MED16: variants seen among roughly 807,000 people sequenced by gnomAD.
MED16 encodes mediator complex subunit 16, also known as mediator of RNA polymerase II transcription subunit 16.
In MED16, 81 loss-of-function variants were observed where a neutral mutation model predicts 84.4. The ratio of observed to expected loss-of-function variants is 0.96; its 90% CI spans 0.80 to 1.15. The LOEUF (loss-of-function observed/expected upper bound fraction) is 1.15. Ranked by LOEUF, MED16 falls within the 50% of genes most tolerant of loss-of-function variation. The pLI is 0.00. For synonymous variants in MED16, 897 were observed against 552.2 expected (o/e 1.62, Z -8.76); for missense variants, 1,585 against 1,245.9 (o/e 1.27, Z -4.10).
At chr19:877,275 G>T (rs1319558359) in intron 8 of MED16, 95 bp from the exon 9 acceptor site, 11 of 1,222,558 alleles carry the variant, frequency 9.0e-6, no homozygotes, top group Non-Finnish European at 1.3e-5. Context: ...CACGTGTGTG[G>T]ATCTGTGTGC....
At position 868,059 on chromosome 19, in the gene MED16, C is replaced by T; in HGVS notation, c.*42G>A. On this transcript the variant is annotated 3_prime_UTR_variant, in exon 16 of 16. Transcript: ENST00000325464. ...GTGAGGCAAGGAAACCGAGGAGACG[C>T]CCGAGCCGGGTCACCACAAGGTCCG... The T allele has an allele frequency of 6.4e-7, 1 of 1,563,004 alleles. No homozygotes were observed. The highest frequency in any genetic ancestry group is 1.4e-5 in the African/African-American group (1 of 72,630).
chr19:891,038 A>G lies in MED16; in HGVS notation c.94T>C (p.Ser32Pro). 2 of 1,614,116 alleles carry G rather than the reference A, an allele frequency of 1.2e-6. No homozygotes were observed. Among genetic ancestry groups the G allele is most frequent in the South Asian group, 2.2e-5 (2 of 91,088 alleles). The part of the protein sequence containing the change: ...EKWSKSTHCP[S>P]VPLACAWSCR... ...GACCAGGCGCAGGCCAGGGGCACCGATGGGCAGTGGGTGCTCTTGGACCAT... is the reference window on the plus strand; with the variant it reads ...GACCAGGCGCAGGCCAGGGGCACCGGTGGGCAGTGGGTGCTCTTGGACCAT... Residue 32 changes from serine (S) to proline (P), a missense_variant, in exon 2 of 16, where the codon TCG (serine) becomes CCG (proline). Physicochemically the swap from Ser to Pro is moderately conservative, Grantham distance 74. Coordinates refer to ENST00000325464, the MANE Select transcript of MED16 (RefSeq NM_005481.3).
In MED16 at chr19:877,036, C is replaced by G; in HGVS notation, c.1498G>C (p.Val500Leu). 1 of 1,612,594 alleles carries G rather than the reference C, an allele frequency of 6.2e-7. No individual in the cohort carries two copies. The highest frequency in any genetic ancestry group is 8.5e-7 in the Non-Finnish European group (1 of 1,179,888). ...TGCAGCTTCTCCACCAGGCTCTGTA[C>G]CATACTGGGCTGCACGTGCAGCAGG... Reference protein sequence around the residue: ...DILLHVQPSMVQSLVEKLHEE... With the variant: ...DILLHVQPSMLQSLVEKLHEE... Residue 500 changes from valine to leucine, a missense_variant, in exon 9 of 16, where the codon GTA (valine) becomes CTA (leucine). Physicochemically the swap from Val to Leu is conservative, Grantham distance 32 (BLOSUM62 1). Transcript: ENST00000325464.
At chr19:886,787 G>A (rs1186706498) in intron 4 of MED16, among the ~76,000 whole-genome samples, 1 of 152,156 alleles carries the variant, frequency 6.6e-6, no homozygotes, top group East Asian at 1.9e-4. Context: ...TTAAAAGATG[G>A]GGTCTTGGCT....
At chr19:873,726 C>T (rs182877534) in intron 10 of MED16, 144 bp from the exon 11 acceptor site, 194 of 994,038 alleles carry the variant, frequency 2.0e-4, no homozygotes, top group Middle Eastern at 3.1e-4. Flanking sequence ...GAGAAGGGGG[C>T]GATGGCGTTG....
At chr19:871,618 G>A (rs553157746) in intron 12 of MED16, 91 of 1,595,720 alleles carry the variant, frequency 5.7e-5, no homozygotes, top group Admixed American at 4.4e-4. Context: ...GGAAGTGGCT[G>A]CCATCCCAAA....
At chr19:874,131 TGAGACAGAGTCTCACTCTGTC>T (rs943091896) in intron 10 of MED16, among the ~76,000 whole-genome samples, 1 of 133,308 alleles carries the variant, frequency 7.5e-6, no homozygotes, top group African/African-American at 2.7e-5. Flanking sequence ...ATTTTTTTTT[TGAGACAGAGTCTCACTCTGTC>T]GCCCAGGCTG....
At position 871,110 on chromosome 19, in the gene MED16, GGGGCTGCTT is replaced by G. The variant is rs1568318310; in HGVS notation, c.2233_2241del (p.Lys745_Pro747del). 1.3e-6 allele frequency: 2 copies of G among 1,548,716 alleles called. No individual in the cohort carries two copies. Among genetic ancestry groups the G allele is most frequent in the East Asian group, 4.9e-5 (2 of 40,878 alleles). On this transcript the variant is annotated inframe_deletion, in exon 13 of 16. Transcript: ENST00000325464. The stretch of plus-strand genomic sequence containing the variant: ...GGCGCCCGGCCAAACTGCAGACGAA[GGGGCTGCTT>G]GGGCTGCAGGCGGCTAACCAGGCCG...
At chr19:868,650 G>C in intron 14 of MED16, 151 bp from the exon 15 acceptor site, 1 of 1,189,534 alleles carries the variant, frequency 8.4e-7, no homozygotes, top group Non-Finnish European at 1.2e-6. Flanking sequence ...CTCTGCCCAT[G>C]CTTCTCCTCC....
intron 13 of MED16, among the ~76,000 whole-genome samples, chr19:869,662 C>T (rs918072821): frequency 7.2e-5 from 11 of 152,238 alleles, no homozygotes; most frequent in Admixed American, 4.6e-4. Context: ...GGAGCCAAGC[C>T]GGGGGTGCCT....
chr19:881,270 AAGG>A (rs1196936025), intron 7 of MED16, among the ~76,000 whole-genome samples: 1 of 152,194 alleles, frequency 6.6e-6, no homozygotes, highest in Non-Finnish European at 1.5e-5. Context: ...CCTACCCAGG[AAGG>A]AGTTCCACCA....
At chr19:880,649 G>C (rs1206925384) in intron 7 of MED16, among the ~76,000 whole-genome samples, 2 of 152,250 alleles carry the variant, frequency 1.3e-5, no homozygotes, top group African/African-American at 2.4e-5. Context: ...GCCGGGCGCG[G>C]TGGCTCACGC....
rs754354623 is a variant in MED16 at position 875,405 on chromosome 19, G to A, written c.1610C>T (p.Ser537Leu). ...LAMKASLCKL[S>L]PCTVTRVCDY... ...GCACACGCGGGTCACCGTGCAGGGCGACAGCTTGCAGAGCGAGGCCTTCAT... is the reference window on the plus strand; with the variant it reads ...GCACACGCGGGTCACCGTGCAGGGCAACAGCTTGCAGAGCGAGGCCTTCAT... Residue 537 changes from serine (S) to leucine (L), a missense_variant, in exon 10 of 16, where the codon TCG becomes TTG. Physicochemically the swap from Ser to Leu is moderately radical, Grantham distance 145 (BLOSUM62 -2). Coordinates refer to ENST00000325464, the MANE Select transcript of MED16 (RefSeq NM_005481.3). 25 of 1,607,488 alleles carry A rather than the reference G, an allele frequency of 1.6e-5. 1 individual carries two copies. In the Middle Eastern group the frequency reaches 1.4e-3, roughly 88 times the overall value.
At chr19:882,047 C>T (rs140500987) in intron 6 of MED16, among the ~76,000 whole-genome samples, 25 of 152,334 alleles carry the variant, frequency 1.6e-4, no homozygotes, top group Non-Finnish European at 2.8e-4. Context: ...AACACTCGCT[C>T]GGCCTTAGCC....
Position 883,457 on chromosome 19 carries a change from G to A in MED16, c.985+1446C>T, listed in dbSNP as rs374083426. Among the ~76,000 whole-genome samples, 82 of 147,010 alleles carry A rather than the reference G, an allele frequency of 5.6e-4. 2 individuals are homozygous for A. The highest frequency in any genetic ancestry group is 3.5e-3 in the Middle Eastern group (1 of 282). ...CGGTGCGTGAAGAGCTGGGCATGGC[G>A]GGGACCAAAGCCTGGCATGGTGGGC... On this transcript the variant is annotated intron_variant, in intron 6 of 15. Coordinates refer to ENST00000325464, the MANE Select transcript of MED16 (RefSeq NM_005481.3).
At position 890,181 on chromosome 19, in the gene MED16, G is replaced by A; in HGVS notation, c.233C>T (p.Ser78Leu). Residue 78 changes from serine to leucine, a missense_variant, in exon 3 of 16, where the codon TCA (serine) becomes TTA (leucine). Physicochemically the swap from Ser to Leu is moderately radical, Grantham distance 145. Transcript: ENST00000325464. Reference sequence around the variant, plus strand: ...GCAGGTGATGGCCTCGTGGTGCTCTGAGGGGATCGAGTGCAGGTCCCAGGG... The same window carrying A: ...GCAGGTGATGGCCTCGTGGTGCTCTAAGGGGATCGAGTGCAGGTCCCAGGG... ...EHPWDLHSIP[S>L]EHHEAITCLE... is the part of the protein sequence containing the mutation. 1.9e-6 allele frequency: 3 copies of A among 1,554,024 alleles called. No individual in the cohort carries two copies. The highest frequency in any genetic ancestry group is 2.6e-6 in the Non-Finnish European group (3 of 1,148,708).
chr19:873,857 A>AC (rs1054520052), intron 10 of MED16, among the ~76,000 whole-genome samples: 7 of 152,084 alleles, frequency 4.6e-5, no homozygotes, highest in Non-Finnish European at 1.0e-4. Flanking sequence ...TGCCAGGGCC[A>AC]CCAGTGCTCA....
At chr19:868,782 A>G (rs1599311300) in intron 14 of MED16, 81 bp downstream of exon 14, 1 of 1,414,932 alleles carries the variant, frequency 7.1e-7, no homozygotes, top group African/African-American at 1.4e-5. Flanking sequence ...GACCGTCTGG[A>G]GCGCTGGGTG....
intron 6 of MED16, 92 bp from the exon 7 acceptor site, chr19:881,806 T>C: frequency 6.9e-7 from 1 of 1,457,786 alleles, no homozygotes; most frequent in Non-Finnish European, 9.4e-7. Context: ...GTGTGCAACC[T>C]GCCCAGGGCC....
Sources: gnomAD v4.1 joint callset for allele counts (sites outside exome capture counted in the v4.1 genomes callset) on GRCh38, gnomAD v4.1.1 for gene constraint, MANE v1.5 for transcripts, NCBI Gene and HGNC (gene_info 2026-07-23, HGNC 2026-07-21) for gene names.